ZSCAN5A: variants seen among roughly 807,000 people sequenced by gnomAD.
ZSCAN5A encodes zinc finger and SCAN domain-containing protein 5A.
A neutral mutation model predicts 23.7 loss-of-function variants in ZSCAN5A; 12 were observed. The ratio of observed to expected loss-of-function variants is 0.51; its 90% CI spans 0.32 to 0.82. The LOEUF (loss-of-function observed/expected upper bound fraction) is 0.82. Ranked by LOEUF, ZSCAN5A falls within the 40% of genes least tolerant of loss-of-function variation. The pLI is 0.03. For missense variants in ZSCAN5A, 597 were observed against 617.9 expected (o/e 0.97, Z 0.36); for synonymous variants, 257 against 239.9 (o/e 1.07, Z -0.66).
intron 2 of ZSCAN5A, 89 bp downstream of exon 2, chr19:56,313,194 A>G: frequency 3.7e-6 from 1 of 271,866 alleles, no homozygotes; most frequent in Non-Finnish European, 7.4e-6. Context: ...TGACAGACAG[A>G]TGGAAGATGT....
At chr19:56,286,125 G>A (rs1356668883) in intron 2 of ZSCAN5A, among the ~76,000 whole-genome samples, 4 of 152,060 alleles carry the variant, frequency 2.6e-5, no homozygotes, top group Admixed American at 1.3e-4. Context: ...GGGTTCAAGC[G>A]ATTCTCCTGC....
chr19:56,277,819 T>C (rs1361962289), intron 2 of ZSCAN5A, among the ~76,000 whole-genome samples: 3 of 152,168 alleles, frequency 2.0e-5, no homozygotes, highest in Non-Finnish European at 2.9e-5. Context: ...ATTACAAAGA[T>C]GCTGGTGCAC....
At chr19:56,315,201 G>GGCC (rs2041280357), upstream of ZSCAN5A, 1 of 152,292 alleles carries the variant, frequency 6.6e-6, no homozygotes, top group Admixed American at 6.5e-5. Context: ...GGCGGGACCA[G>GGCC]GGAAAAAGCA....
chr19:56,324,441 TCTCA>T (rs2041413767), intron 2 of ZSCAN5A, among the ~76,000 whole-genome samples: 1 of 152,174 alleles, frequency 6.6e-6, no homozygotes, highest in Non-Finnish European at 1.5e-5. Flanking sequence ...TGAGAAATTA[TCTCA>T]CTCCAGTTAA....
intron 2 of ZSCAN5A, among the ~76,000 whole-genome samples, chr19:56,360,356 A>G (rs577068046): frequency 7.2e-5 from 11 of 152,336 alleles, no homozygotes; most frequent in Non-Finnish European, 1.3e-4. Flanking sequence ...ACCTAGAAAT[A>G]CAGCTAATAA....
At chr19:56,361,796 C>T (rs1380820897) in intron 2 of ZSCAN5A, among the ~76,000 whole-genome samples, 1 of 152,020 alleles carries the variant, frequency 6.6e-6, no homozygotes, top group African/African-American at 2.4e-5. Context: ...GTGCAGCAAA[C>T]CACCATGGCA....
chr19:56,366,938 C>G (rs1298592879), intron 1 of ZSCAN5A, among the ~76,000 whole-genome samples: 1 of 152,066 alleles, frequency 6.6e-6, no homozygotes, highest in Non-Finnish European at 1.5e-5. Context: ...ACAAGGCACT[C>G]TAATAGGCAA....
chr19:56,238,064 C>T (rs1251240319), intron 2 of ZSCAN5A, among the ~76,000 whole-genome samples: 1 of 7,888 alleles, frequency 1.3e-4, no homozygotes, highest in African/African-American at 4.8e-4. Context: ...GTGTCTAGTC[C>T]CCTAGACACA....
intron 2 of ZSCAN5A, among the ~76,000 whole-genome samples, chr19:56,302,371 TTCCTCCTTCTCTC>T: frequency 7.3e-6 from 1 of 137,864 alleles, no homozygotes; most frequent in African/African-American, 2.7e-5. Flanking sequence ...CCTCCCTTAC[TTCCTCCTTCTCTC>T]TCCTCCCTCC....
At chr19:56,249,635 T>C (rs1190470577) in intron 2 of ZSCAN5A, among the ~76,000 whole-genome samples, 2 of 152,348 alleles carry the variant, frequency 1.3e-5, no homozygotes, top group East Asian at 3.9e-4. Context: ...TCTGCACCAT[T>C]TCCCCCACTG....
At chr19:56,295,016 G>A (rs1343609057) in intron 2 of ZSCAN5A, 1 of 152,220 alleles carries the variant, frequency 6.6e-6, no homozygotes, top group Non-Finnish European at 1.5e-5. Flanking sequence ...GACTGCTCAG[G>A]GGCACCAGGT....
chr19:56,245,687 G>A (rs757208742), intron 2 of ZSCAN5A, among the ~76,000 whole-genome samples: 46 of 152,198 alleles, frequency 3.0e-4, no homozygotes, highest in Non-Finnish European at 4.9e-4. Flanking sequence ...AGTTGGCACC[G>A]ATGAATGAAC....
intron 2 of ZSCAN5A, among the ~76,000 whole-genome samples, chr19:56,264,155 A>G (rs1330560384): frequency 6.6e-6 from 1 of 151,784 alleles, no homozygotes; most frequent in African/African-American, 2.4e-5. Flanking sequence ...CACCTCACCC[A>G]GCTTAATTTT....
At chr19:56,238,320 AATAC>A (rs1334177661) in intron 2 of ZSCAN5A, among the ~76,000 whole-genome samples, 2 of 152,192 alleles carry the variant, frequency 1.3e-5, no homozygotes, top group Non-Finnish European at 2.9e-5. Flanking sequence ...TGAGTTGACG[AATAC>A]ATTAATTAGC....
intron 2 of ZSCAN5A, among the ~76,000 whole-genome samples, chr19:56,229,645 G>A (rs1391914972): frequency 6.6e-6 from 1 of 152,196 alleles, no homozygotes; most frequent in African/African-American, 2.4e-5. Context: ...TTTCTGTGAA[G>A]CTGCCGTTGG....
In ZSCAN5A at chr19:56,224,888, C is replaced by T. The variant is rs750310913; in HGVS notation, c.159G>A (p.Pro53=). 123 of 1,613,370 alleles carry T rather than the reference C, an allele frequency of 7.6e-5. No individual in the cohort carries two copies. Among genetic ancestry groups the T allele is most frequent in the Middle Eastern group, 3.3e-4 (2 of 6,082 alleles). Residue 53 remains proline, a synonymous_variant, in exon 3 of 6, where the codon CCG becomes CCA. Transcript: ENST00000683990. ...GAGCCTGGATGGGGTCCGACTCCTTCGGGCAGCTGAACATCCTGAAGTTCA... is the reference window on the plus strand; with the variant it reads ...GAGCCTGGATGGGGTCCGACTCCTTTGGGCAGCTGAACATCCTGAAGTTCA... ...SHVNFRMFSC[P]KESDPIQALR...
intron 2 of ZSCAN5A, among the ~76,000 whole-genome samples, chr19:56,341,702 C>CAAAAAGA (rs2041593611): frequency 1.9e-5 from 1 of 53,782 alleles, no homozygotes; most frequent in African/African-American, 6.7e-5. Flanking sequence ...TACCAAAAGG[C>CAAAAAGA]AAAAAAAAAA....
intron 2 of ZSCAN5A, among the ~76,000 whole-genome samples, chr19:56,335,110 G>A (rs886945173): frequency 6.6e-6 from 1 of 152,078 alleles, no homozygotes; most frequent in Non-Finnish European, 1.5e-5. Flanking sequence ...TAACCAGCCT[G>A]ACAGAACTGA....
At chr19:56,227,986 A>C (rs2034113578) in intron 2 of ZSCAN5A, among the ~76,000 whole-genome samples, 2 of 152,064 alleles carry the variant, frequency 1.3e-5, no homozygotes, top group South Asian at 4.2e-4. Context: ...TGAGCCCAGG[A>C]ATTCCAGGCT....
Sources: allele counts gnomAD v4.1 joint callset (sites outside exome capture counted in the v4.1 genomes callset), GRCh38; gene constraint gnomAD v4.1.1; transcripts MANE v1.5; gene names NCBI Gene and HGNC (gene_info 2026-07-23, HGNC 2026-07-21).